IQCJ: variants seen among roughly 807,000 people sequenced by gnomAD.
The protein encoded by IQCJ is IQ domain-containing protein J.
A neutral mutation model predicts 11.0 loss-of-function variants in IQCJ; 9 were observed. That is an observed-to-expected ratio of 0.82 (90% confidence interval 0.49 to 1.43). The LOEUF (loss-of-function observed/expected upper bound fraction) is 1.43. Among genes scored for constraint, IQCJ ranks in the 40% most tolerant of loss-of-function variants. The pLI, the probability that IQCJ is intolerant of heterozygous loss-of-function variation, is 0.00. For missense variants in IQCJ, 146 were observed against 133.2 expected (o/e 1.10, Z -0.47); for synonymous variants, 55 against 51.3 (o/e 1.07, Z -0.31).
At chr3:159,115,476 G>A (rs1718925355) in intron 1 of IQCJ, among the ~76,000 whole-genome samples, 1 of 152,218 alleles carries the variant, frequency 6.6e-6, no homozygotes, top group African/African-American at 2.4e-5. Flanking sequence ...CAGAAAGAGT[G>A]TAAGTTGTAG....
intron 1 of IQCJ, among the ~76,000 whole-genome samples, chr3:159,109,569 T>G (rs1718494492): frequency 6.6e-6 from 1 of 151,784 alleles, no homozygotes; most frequent in Non-Finnish European, 1.5e-5. Flanking sequence ...TTGTTTTGCT[T>G]TGCCAATTAA....
chr3:159,175,964 T>A (rs1427517200), intron 1 of IQCJ, among the ~76,000 whole-genome samples: 1 of 152,206 alleles, frequency 6.6e-6, no homozygotes, highest in African/African-American at 2.4e-5. Flanking sequence ...ACATCTTTGT[T>A]GACACTTGAA....
At chr3:159,200,104 A>ATATATATATATATATATATATATATAT (rs1724232754) in intron 1 of IQCJ, among the ~76,000 whole-genome samples, 7 of 116,946 alleles carry the variant, frequency 6.0e-5, no homozygotes, top group South Asian at 6.5e-4. Flanking sequence ...TTTATACATA[A>ATATATATATATATATATATATATATAT]ATATATATAT....
intron 1 of IQCJ, among the ~76,000 whole-genome samples, chr3:159,093,272 T>C (rs1484617937): frequency 1.3e-5 from 2 of 151,812 alleles, no homozygotes; most frequent in Non-Finnish European, 2.9e-5. Flanking sequence ...TTTTCCTTGT[T>C]TCCAGCCAGC....
chr3:159,263,720 A>T lies in IQCJ; in HGVS notation c.*989A>T. The T allele has an allele frequency of 1.0e-6, 1 of 985,248 alleles. No individual in the cohort carries two copies. Among genetic ancestry groups the T allele is most frequent in the Non-Finnish European group, 1.2e-6 (1 of 829,760 alleles). 61.0% of individuals were successfully genotyped at this position (985,248 alleles called of 1,614,324 possible). A position where few individuals can be genotyped will look rare whatever the true frequency, so the allele number is the denominator to read the frequency against. On this transcript the variant is annotated 3_prime_UTR_variant, in exon 4 of 4. Coordinates refer to ENST00000397832, the MANE Select transcript of IQCJ (RefSeq NM_001042706.3). ...GTTACTGTATTTGAAATGTTTTCAG[A>T]TGGTTGCATTGCATATTCTTCAATA...
At position 159,203,775 on chromosome 3, in the gene IQCJ, TTCCAAGTGGG is replaced by T. The variant is rs141309891; in HGVS notation, c.10-42066_10-42057del. 3.9e-4 allele frequency among the ~76,000 whole-genome samples: 59 copies of T among 152,146 alleles called. 1 individual carries two copies. In the East Asian group the frequency reaches 0.011, roughly 29 times the overall value. The stretch of plus-strand genomic sequence containing the variant: ...GCAGGTCACCAAAACGAGCACCACT[TTCCAAGTGGG>T]TGTAATTATAAGATGGTGTACCAGG... On this transcript the variant is annotated intron_variant, in intron 1 of 3. Coordinates refer to ENST00000397832, the MANE Select transcript of IQCJ (RefSeq NM_001042706.3).
chr3:159,211,666 C>T (rs998895489), intron 1 of IQCJ, among the ~76,000 whole-genome samples: 4 of 152,092 alleles, frequency 2.6e-5, no homozygotes, highest in African/African-American at 9.7e-5. Flanking sequence ...GAAGAGAGAC[C>T]ATGAGTCTGT....
At chr3:159,089,279 C>T (rs951664571) in intron 1 of IQCJ, among the ~76,000 whole-genome samples, 47 of 152,158 alleles carry the variant, frequency 3.1e-4, no homozygotes, top group Non-Finnish European at 5.1e-4. Flanking sequence ...GCGTTTCTGC[C>T]GAAAGATCCG....
At chr3:159,203,212 T>A (rs1577078343) in intron 1 of IQCJ, among the ~76,000 whole-genome samples, 1 of 146,630 alleles carries the variant, frequency 6.8e-6, no homozygotes, top group South Asian at 2.3e-4. Flanking sequence ...TTTTCTTGGG[T>A]CATCTAGTAT....
rs1718650272 is a variant in IQCJ, at chr3:159,111,811, G to C, written c.9+42370G>C. On this transcript the variant is annotated intron_variant, in intron 1 of 3. Coordinates refer to ENST00000397832, the MANE Select transcript of IQCJ (RefSeq NM_001042706.3). Reference sequence around the variant, plus strand: ...TTAGTTGGATTTTACTGGTTTTGTAGTTTTATTTGCATTTAATTTTAAAAT... The same window carrying C: ...TTAGTTGGATTTTACTGGTTTTGTACTTTTATTTGCATTTAATTTTAAAAT... 3.3e-5 allele frequency among the ~76,000 whole-genome samples: 5 copies of C among 152,134 alleles called. 1 individual carries two copies. In the South Asian group the frequency reaches 1.0e-3, roughly 31 times the overall value.
chr3:159,230,540 G>A (rs947937488), intron 1 of IQCJ, among the ~76,000 whole-genome samples: 3 of 152,148 alleles, frequency 2.0e-5, no homozygotes, highest in Non-Finnish European at 2.9e-5. Context: ...AAGCAATCAA[G>A]TGTAGAAGTA....
chr3:159,239,239 A>G (rs548144560), intron 1 of IQCJ, among the ~76,000 whole-genome samples: 62 of 152,332 alleles, frequency 4.1e-4, no homozygotes, highest in African/African-American at 1.2e-3. Context: ...GATGAAATCA[A>G]TCCTCCAAAT....
At chr3:159,223,158 A>G (rs1287346869) in intron 1 of IQCJ, among the ~76,000 whole-genome samples, 1 of 152,160 alleles carries the variant, frequency 6.6e-6, no homozygotes, top group East Asian at 1.9e-4. Flanking sequence ...TGCTTCTAAG[A>G]GTCCTTGAGG....
At chr3:159,153,767 A>G (rs908708842) in intron 1 of IQCJ, among the ~76,000 whole-genome samples, 3 of 152,214 alleles carry the variant, frequency 2.0e-5, no homozygotes, top group African/African-American at 4.8e-5. Context: ...AGGTTCTACC[A>G]ATCAGATGCC....
chr3:159,104,577 C>A lies in IQCJ; in HGVS notation c.9+35136C>A, dbSNP rs575040767. ...CTGCATAGTTGCTTTGGAATAAATC[C>A]CCCATGCATTATTTACCTGTTCTCC... On this transcript the variant is annotated intron_variant, in intron 1 of 3. Coordinates refer to ENST00000397832, the MANE Select transcript of IQCJ (RefSeq NM_001042706.3). Among the ~76,000 whole-genome samples the A allele has an allele frequency of 7.9e-4, 120 of 152,200 alleles. 2 individuals carry two copies. The South Asian group carries it at 0.024, about 31-fold the overall frequency.
chr3:159,233,019 G>A (rs1402165373), intron 1 of IQCJ, among the ~76,000 whole-genome samples: 5 of 152,106 alleles, frequency 3.3e-5, no homozygotes, highest in Admixed American at 2.6e-4. Context: ...AGATAATTGA[G>A]GTAATGCTGC....
At chr3:159,225,195 A>G (rs1414255799) in intron 1 of IQCJ, among the ~76,000 whole-genome samples, 1 of 152,218 alleles carries the variant, frequency 6.6e-6, no homozygotes, top group Non-Finnish European at 1.5e-5. Flanking sequence ...CATCCATACC[A>G]TGGAATACAA....
chr3:159,089,971 A>G (rs555890372), intron 1 of IQCJ, among the ~76,000 whole-genome samples: 5 of 151,998 alleles, frequency 3.3e-5, no homozygotes, highest in South Asian at 4.1e-4. Context: ...GAGGAACTGC[A>G]TTCCTTTGGA....
At chr3:159,076,587 A>G (rs1715933044) in intron 1 of IQCJ, among the ~76,000 whole-genome samples, 1 of 152,160 alleles carries the variant, frequency 6.6e-6, no homozygotes, top group Non-Finnish European at 1.5e-5. Context: ...TTGGAATCAG[A>G]CATGCCCCAG....
Sources: allele counts gnomAD v4.1 joint callset (sites outside exome capture counted in the v4.1 genomes callset), GRCh38; gene constraint gnomAD v4.1.1; transcripts MANE v1.5; gene names NCBI Gene and HGNC (gene_info 2026-07-23, HGNC 2026-07-21).